ATL2: variants seen among roughly 807,000 people sequenced by gnomAD.
ATL2 encodes the protein atlastin-2.
Under a neutral mutation model 73.9 loss-of-function variants are expected in ATL2, and 31 were observed. The observed-to-expected ratio is 0.42, with a 90% CI of 0.32 to 0.57. ATL2 has a LOEUF of 0.57. ATL2 is among the 20% of genes least tolerant of loss of function. The pLI, the probability that ATL2 is intolerant of heterozygous loss-of-function variation, is 0.14. For synonymous variants in ATL2, 291 were observed against 237.5 expected (o/e 1.23, Z -2.07); for missense variants, 738 against 702.6 (o/e 1.05, Z -0.57).
upstream of ATL2, among the ~76,000 whole-genome samples, chr2:38,377,863 C>G (rs560886811): frequency 4.6e-5 from 7 of 151,952 alleles, no homozygotes; most frequent in Admixed American, 2.6e-4. Context: ...TCCCCTCCCC[C>G]CCACCATCCT....
intron 9 of ATL2, among the ~76,000 whole-genome samples, chr2:38,302,959 C>A (rs1450804440): frequency 6.6e-6 from 1 of 152,134 alleles, no homozygotes; most frequent in African/African-American, 2.4e-5. Flanking sequence ...GAAAACATGA[C>A]CTCACTAAAC....
intron 2 of ATL2, among the ~76,000 whole-genome samples, chr2:38,341,124 T>C (rs1226816569): frequency 6.6e-6 from 1 of 152,216 alleles, no homozygotes; most frequent in Admixed American, 6.5e-5. Context: ...CCTCCCCTTC[T>C]AACTTTCTAC....
chr2:38,296,094 T>A lies in ATL2; in HGVS notation c.1652A>T (p.Asp551Val). ...CCTTATGTTTTCCTCCATCAAATTA[T>A]CACCCAGGGGCTTCAATACCTGTGG... Reference protein sequence around the residue: ...LWEQVLKPLGDNLMEENIRQS... With the variant: ...LWEQVLKPLGVNLMEENIRQS... Residue 551 changes from aspartate to valine, a missense_variant, in exon 13 of 13, where the codon GAT becomes GTT. Coordinates refer to ENST00000378954, the MANE Select transcript of ATL2 (RefSeq NM_001135673.4). 2 of 1,551,218 alleles carry A rather than the reference T, an allele frequency of 1.3e-6. No individual in the cohort carries two copies. Among genetic ancestry groups the A allele is most frequent in the Non-Finnish European group, 1.7e-6 (2 of 1,146,724 alleles).
At chr2:38,345,216 G>A (rs1215319206) in intron 1 of ATL2, among the ~76,000 whole-genome samples, 4 of 152,142 alleles carry the variant, frequency 2.6e-5, no homozygotes, top group African/African-American at 4.8e-5. Flanking sequence ...GGACACATAC[G>A]GTATCCACTG....
chr2:38,375,982 C>T, intron 1 of ATL2: 1 of 1,115,616 alleles, frequency 9.0e-7, no homozygotes, highest in Non-Finnish European at 1.2e-6. Context: ...TAAAGTGAGT[C>T]CTTGTGGTTA....
chr2:38,349,566 A>G (rs1670223688), intron 1 of ATL2, among the ~76,000 whole-genome samples: 1 of 151,144 alleles, frequency 6.6e-6, no homozygotes, highest in African/African-American at 2.4e-5. Context: ...GAGTATACCT[A>G]ATGCTAAATG....
intron 12 of ATL2, chr2:38,296,425 T>A: frequency 6.4e-7 from 1 of 1,552,400 alleles, no homozygotes; most frequent in Non-Finnish European, 8.7e-7. Flanking sequence ...GTCCTGCTTA[T>A]TGTCCTACAT....
At chr2:38,340,824 A>T (rs976183338) in intron 2 of ATL2, among the ~76,000 whole-genome samples, 17 of 152,240 alleles carry the variant, frequency 1.1e-4, no homozygotes, top group Admixed American at 1.0e-3. Context: ...AAGGTGATTT[A>T]TATCAGGAAT....
At chr2:38,361,581 T>C (rs1221626779) in intron 1 of ATL2, among the ~76,000 whole-genome samples, 1 of 152,164 alleles carries the variant, frequency 6.6e-6, no homozygotes, top group Non-Finnish European at 1.5e-5. Context: ...AACTGCACAG[T>C]AACATTTTCT....
intron 1 of ATL2, among the ~76,000 whole-genome samples, chr2:38,376,841 G>C (rs1368691399): frequency 1.3e-5 from 2 of 151,088 alleles, no homozygotes; most frequent in African/African-American, 4.8e-5. Context: ...GGTCGGGGCG[G>C]ACACGGCGGC....
intron 1 of ATL2, among the ~76,000 whole-genome samples, chr2:38,373,233 T>C (rs1671782887): frequency 6.6e-6 from 1 of 152,308 alleles, no homozygotes; most frequent in East Asian, 1.9e-4. Flanking sequence ...GCCGCCACAA[T>C]CAGAGCATCT....
rs75055366 is a variant in ATL2 at position 38,318,652 on chromosome 2, G to C, written c.499-13C>G. 2,403 of 1,567,592 alleles carry C rather than the reference G, an allele frequency of 1.5e-3. 47 individuals carry two copies. In the Admixed American group the frequency reaches 0.032, roughly 21 times the overall value. ...GCAGCACAGCAACCTAGGAATTTGA[G>C]AGTTTAAAATATTTAGTAAAACAGT... is the stretch of plus-strand genomic sequence containing the variant. On this transcript the variant is annotated splice_polypyrimidine_tract_variant and intron_variant, in intron 3 of 12. Transcript: ENST00000378954.
At chr2:38,350,718 G>A (rs1462683008) in intron 1 of ATL2, among the ~76,000 whole-genome samples, 1 of 151,288 alleles carries the variant, frequency 6.6e-6, no homozygotes, top group East Asian at 1.9e-4. Flanking sequence ...GGGAGTACGT[G>A]AACTACAATT....
chr2:38,358,980 C>A (rs1422009084), intron 1 of ATL2, among the ~76,000 whole-genome samples: 3 of 152,150 alleles, frequency 2.0e-5, no homozygotes, highest in Non-Finnish European at 4.4e-5. Flanking sequence ...TAATCTGGTC[C>A]TGTAAAACAT....
At chr2:38,321,364 A>C (rs1668311479) in intron 2 of ATL2, among the ~76,000 whole-genome samples, 1 of 152,182 alleles carries the variant, frequency 6.6e-6, no homozygotes, top group Non-Finnish European at 1.5e-5. Flanking sequence ...TACAACTTAA[A>C]GACCTCATCT....
chr2:38,370,962 GGGAAAAAAATAA>G (rs1452917968), intron 1 of ATL2, among the ~76,000 whole-genome samples: 2 of 150,516 alleles, frequency 1.3e-5, no homozygotes, highest in South Asian at 2.1e-4. Flanking sequence ...TATCTCGGGG[GGGAAAAAAATAA>G]GGAAAAAAAT....
At chr2:38,339,881 G>A (rs1219275910) in intron 2 of ATL2, among the ~76,000 whole-genome samples, 2 of 151,970 alleles carry the variant, frequency 1.3e-5, no homozygotes, top group East Asian at 1.9e-4. Context: ...AGTAGAGATG[G>A]GTTTTCACCA....
At chr2:38,349,640 T>C (rs1176924638) in intron 1 of ATL2, among the ~76,000 whole-genome samples, 1 of 151,546 alleles carries the variant, frequency 6.6e-6, no homozygotes, top group Non-Finnish European at 1.5e-5. Context: ...ACCTGCACAT[T>C]GTGCACATGT....
chr2:38,318,487 G>C, intron 4 of ATL2, 48 bp downstream of exon 4: 1 of 1,380,184 alleles, frequency 7.2e-7, no homozygotes, highest in Non-Finnish European at 9.9e-7. Flanking sequence ...AAAAAAAGGG[G>C]CCAAATGATT....
Sources: gnomAD v4.1 joint callset for allele counts (sites outside exome capture counted in the v4.1 genomes callset) on GRCh38, gnomAD v4.1.1 for gene constraint, MANE v1.5 for transcripts, NCBI Gene and HGNC (gene_info 2026-07-23, HGNC 2026-07-21) for gene names.